ISCU: variants seen among roughly 807,000 people sequenced by gnomAD.
The protein encoded by ISCU is iron-sulfur cluster assembly enzyme ISCU.
Under a neutral mutation model 18.4 loss-of-function variants are expected in ISCU, and 13 were observed. That is an observed-to-expected ratio of 0.71 (90% CI 0.46 to 1.12). The LOEUF (loss-of-function observed/expected upper bound fraction) is 1.12. Among genes scored for constraint, ISCU ranks in the 50% most tolerant of loss-of-function variants. ISCU has a pLI of 0.00. For missense variants in ISCU, 229 were observed against 208.7 expected, an observed-to-expected ratio of 1.10 and a Z score of -0.60; for synonymous variants, 104 against 87.5, an observed-to-expected ratio of 1.19 and a Z score of -1.06.
At chr12:108,564,251 A>G (rs2030776279) in intron 1 of ISCU, 28 bp from the exon 2 acceptor site, 3 of 1,588,842 alleles carry the variant, frequency 1.9e-6, no homozygotes, top group African/African-American at 1.3e-5. Context: ...GAGAGTGAAC[A>G]TGATTTATCT....
chr12:108,568,114 A>C, intron 4 of ISCU: 1 of 1,372,444 alleles, frequency 7.3e-7, no homozygotes, highest in Non-Finnish European at 9.4e-7. Context: ...CTTGATCTGG[A>C]ATTTTAAGTA....
chr12:108,567,819 C>T (rs2030972441), intron 4 of ISCU: 13 of 1,520,270 alleles, frequency 8.6e-6, no homozygotes, highest in Non-Finnish European at 9.7e-6. Flanking sequence ...TCCCTGCTAT[C>T]CTAAAAAAAA....
At position 108,562,646 on chromosome 12, in the gene ISCU, T is replaced by G. The variant is rs780025475; in HGVS notation, c.24T>G (p.Arg8=). 1.3e-6 allele frequency: 2 copies of G among 1,481,872 alleles called. No homozygotes were observed. The highest frequency in any genetic ancestry group is 2.9e-5 in the African/African-American group (2 of 68,764). 91.8% of individuals were successfully genotyped at this position (1,481,872 alleles called of 1,614,324 possible). ...AGATGGCGGCGGCTGGGGCTTTCCG[T>G]CTGAGGCGGGCGGCATCGGCTCTGC... is the stretch of plus-strand genomic sequence containing the variant. MAAAGAF[R]LRRAASALLL... is the part of the protein sequence containing the mutation. Residue 8 remains arginine, a synonymous_variant, in exon 1 of 5, where the codon CGT becomes CGG. Coordinates refer to ENST00000311893, the MANE Select transcript of ISCU (RefSeq NM_213595.4).
chr12:108,561,813 C>T (rs1460794661), upstream of ISCU, among the ~76,000 whole-genome samples: 1 of 151,984 alleles, frequency 6.6e-6, no homozygotes, highest in Admixed American at 6.5e-5. Context: ...ATTGAGTTTG[C>T]TGTTGTTTTA....
Position 108,567,260 on chromosome 12 carries a change from A to T in ISCU, c.410A>T (p.His137Leu), listed in dbSNP as rs926473212. 1 of 1,613,154 alleles carries T rather than the reference A, an allele frequency of 6.2e-7. No individual in the cohort carries two copies. Among genetic ancestry groups the T allele is most frequent in the African/African-American group, 1.3e-5 (1 of 74,924 alleles). ...KELCLPPVKL[H>L]CSMLAEDAIK... ...CTCTGCCTTCCTCCCGTGAAACTGCACTGCTCCAGTAAGTCTCTGCTCTCC... is the reference window on the plus strand; with the variant it reads ...CTCTGCCTTCCTCCCGTGAAACTGCTCTGCTCCAGTAAGTCTCTGCTCTCC... The change falls in exon 4 of 5, where the codon CAC becomes CTC. Residue 137 changes from histidine (H) to leucine (L), a missense_variant. His to Leu is a moderately conservative substitution (Grantham distance 99, BLOSUM62 -3). Coordinates refer to ENST00000311893, the MANE Select transcript of ISCU (RefSeq NM_213595.4).
At chr12:108,567,850 G>A (rs758629172) in intron 4 of ISCU, 19 of 1,480,202 alleles carry the variant, frequency 1.3e-5, no homozygotes, top group Non-Finnish European at 1.6e-5. Flanking sequence ...CTTAAGACTT[G>A]TACTTGGCTT....
intron 4 of ISCU, 30 bp from the exon 5 acceptor site, chr12:108,568,801 C>T (rs1565877307): frequency 1.2e-6 from 2 of 1,602,700 alleles, no homozygotes; most frequent in Non-Finnish European, 1.7e-6. Flanking sequence ...CATCTAGAAA[C>T]TTAGGCTTCT....
intron 1 of ISCU, 188 bp from the exon 2 acceptor site, chr12:108,564,091 G>A: frequency 6.2e-7 from 1 of 1,612,254 alleles, no homozygotes; most frequent in Non-Finnish European, 8.5e-7. Context: ...TTGTAGAGGA[G>A]ACACAAAAGG....
rs1284848140 is a variant in ISCU, at chr12:108,567,740, G to C, written c.418+472G>C. The C allele has an allele frequency of 3.3e-6, 5 of 1,535,722 alleles. No homozygotes were observed. The African/African-American group carries it at 6.8e-5, about 21-fold the overall frequency. On this transcript the variant is annotated intron_variant, in intron 4 of 4. Transcript: ENST00000311893. ...TGTGTATTTCTTCACTTCCTGTCTG[G>C]ATGGTATTCCTGTCGGGGTCTGCAT...
chr12:108,562,654 G>C lies in ISCU; in HGVS notation c.32G>C (p.Arg11Pro), dbSNP rs550874413. 2.4e-4 allele frequency: 349 copies of C among 1,460,934 alleles called. 2 individuals carry two copies. Among genetic ancestry groups the C allele is most frequent in the Non-Finnish European group, 3.0e-4 (332 of 1,112,798 alleles). 90.5% of individuals were successfully genotyped at this position (1,460,934 alleles called of 1,614,324 possible). The change falls in exon 1 of 5, where the codon CGG becomes CCG. Residue 11 changes from arginine to proline, a missense_variant. Physicochemically the swap from Arg to Pro is moderately radical, Grantham distance 103. Transcript: ENST00000311893. ...GCGGCTGGGGCTTTCCGTCTGAGGC[G>C]GGCGGCATCGGCTCTGCTGCTGCGG... is the stretch of plus-strand genomic sequence containing the variant. The part of the protein sequence containing the change: MAAAGAFRLR[R>P]AASALLLRSP...
intron 4 of ISCU, chr12:108,568,326 T>C: frequency 9.2e-7 from 1 of 1,086,714 alleles, no homozygotes; most frequent in Non-Finnish European, 1.1e-6. Context: ...ATAAAAGTGG[T>C]CAAACTCTCG....
intron 3 of ISCU, among the ~76,000 whole-genome samples, chr12:108,565,946 A>C (rs944649880): frequency 1.6e-4 from 25 of 152,272 alleles, no homozygotes; most frequent in African/African-American, 6.0e-4. Context: ...CTCTAAAGGC[A>C]GAGATAATAA....
At chr12:108,564,770 C>A (rs1444249366) in intron 2 of ISCU, among the ~76,000 whole-genome samples, 1 of 152,196 alleles carries the variant, frequency 6.6e-6, no homozygotes, top group African/African-American at 2.4e-5. Context: ...AAACCTGTCC[C>A]CAGATTGGGG....
rs186093048 is a variant in ISCU, at chr12:108,562,919, C to T, written c.114+183C>T. ...CTGATAAACAACAGTTACCGCTCAT[C>T]GGGCGGCGACTTCCAGGGGGCCCCG... On this transcript the variant is annotated intron_variant, in intron 1 of 4. Transcript: ENST00000311893. 3,357 of 400,282 alleles carry T rather than the reference C, an allele frequency of 8.4e-3. 12 individuals carry two copies. Among genetic ancestry groups the T allele is most frequent in the Non-Finnish European group, 0.012 (2,700 of 228,370 alleles). The allele number at this position is 400,282 out of a possible 1,614,324, so 24.8% of individuals were successfully genotyped here.
At position 108,562,637 on chromosome 12, in the gene ISCU, G is replaced by T. The variant is rs753475516; in HGVS notation, c.15G>T (p.Gly5=). ...AAGCCGGCAAGATGGCGGCGGCTGG[G>T]GCTTTCCGTCTGAGGCGGGCGGCAT... MAAA[G]AFRLRRAASA... is the part of the protein sequence containing the mutation. Residue 5 remains glycine, a synonymous_variant, in exon 1 of 5, where the codon GGG becomes GGT. Coordinates refer to ENST00000311893, the MANE Select transcript of ISCU (RefSeq NM_213595.4). 1.4e-6 allele frequency: 2 copies of T among 1,480,586 alleles called. No individual in the cohort carries two copies. The highest frequency in any genetic ancestry group is 8.9e-7 in the Non-Finnish European group (1 of 1,123,106). The allele number at this position is 1,480,586 out of a possible 1,614,324, so 91.7% of individuals were successfully genotyped here. A position where few individuals can be genotyped will look rare whatever the true frequency, so the allele number is the denominator to read the frequency against.
intron 4 of ISCU, chr12:108,567,552 T>C: frequency 1.1e-6 from 1 of 916,084 alleles, no homozygotes; most frequent in Non-Finnish European, 1.7e-6. Flanking sequence ...TAGATGTCAT[T>C]ACTTCCCTCT....
chr12:108,567,144 G>A (rs776786156), intron 3 of ISCU, 46 bp from the exon 4 acceptor site: 1 of 1,408,182 alleles, frequency 7.1e-7, no homozygotes, highest in Non-Finnish European at 1.0e-6. Flanking sequence ...GCCCTCACAA[G>A]ATAAAGTGTT....
chr12:108,567,141 C>A, intron 3 of ISCU, 49 bp from the exon 4 acceptor site: 1 of 1,387,368 alleles, frequency 7.2e-7, no homozygotes, highest in Non-Finnish European at 1.0e-6. Context: ...CTGGCCCTCA[C>A]AAGATAAAGT....
upstream of ISCU, among the ~76,000 whole-genome samples, chr12:108,562,161 G>A (rs765695064): frequency 1.3e-5 from 2 of 152,206 alleles, no homozygotes; most frequent in Non-Finnish European, 2.9e-5. Flanking sequence ...ACCGAACCAG[G>A]ATTCTAACCC....
Sources: gnomAD v4.1 joint callset for allele counts (sites outside exome capture counted in the v4.1 genomes callset) on GRCh38, gnomAD v4.1.1 for gene constraint, MANE v1.5 for transcripts, NCBI Gene and HGNC (gene_info 2026-07-23, HGNC 2026-07-21) for gene names.